The following CA10 variants were observed in gnomAD, a reference collection of about 807,000 sequenced individuals.
CA10 encodes the protein carbonic anhydrase 10 (inactive), also known as carbonic anhydrase-related protein 10.
CA10 carries 14 observed loss-of-function variants against 44.2 expected under a neutral mutation model. That is an observed-to-expected ratio of 0.32 (90% CI 0.21 to 0.50). The LOEUF (loss-of-function observed/expected upper bound fraction) is 0.50, where lower values mean the gene tolerates loss of function less well. Ranked by LOEUF, CA10 falls within the 20% of genes least tolerant of loss-of-function variation. CA10 has a pLI of 0.99. For synonymous variants in CA10, 159 were observed against 141.6 expected (o/e 1.12, Z -0.87); for missense variants, 350 against 409.7 (o/e 0.85, Z 1.26).
chr17:52,013,475 A>T (rs1985872376), intron 2 of CA10, among the ~76,000 whole-genome samples: 1 of 152,036 alleles, frequency 6.6e-6, no homozygotes, highest in African/African-American at 2.4e-5. Context: ...GTATTAAACA[A>T]CAGCTATGAT....
chr17:51,982,408 C>T (rs203059), intron 2 of CA10, among the ~76,000 whole-genome samples: 132,862 of 151,900 alleles, frequency 0.87, 58,134 homozygotes, highest in East Asian at 0.95. Context: ...TATTCTGTCA[C>T]TTATGATGGA....
intron 4 of CA10, among the ~76,000 whole-genome samples, chr17:51,673,656 C>G (rs759098480): frequency 1.3e-5 from 2 of 152,220 alleles, no homozygotes; most frequent in Non-Finnish European, 2.9e-5. Context: ...CTTATTATTG[C>G]ATCACTTCCT....
intron 3 of CA10, among the ~76,000 whole-genome samples, chr17:51,770,774 T>A (rs1011836523): frequency 6.6e-6 from 1 of 151,958 alleles, no homozygotes; most frequent in Non-Finnish European, 1.5e-5. Flanking sequence ...GCATCTCACA[T>A]GGCCAAGTGG....
At chr17:51,663,931 T>C (rs1914111884) in intron 4 of CA10, among the ~76,000 whole-genome samples, 1 of 152,242 alleles carries the variant, frequency 6.6e-6, no homozygotes, top group African/African-American at 2.4e-5. Context: ...TTTCTTTCTG[T>C]AGCTCGTATT....
intron 7 of CA10, among the ~76,000 whole-genome samples, 156 bp from the exon 8 acceptor site, chr17:51,633,806 GT>G (rs1912704593): frequency 6.6e-6 from 1 of 152,116 alleles, no homozygotes; most frequent in Admixed American, 6.5e-5. Flanking sequence ...CATGGGTTCA[GT>G]TGAGCTGAAG....
At chr17:51,974,812 GA>G (rs1045771976) in intron 2 of CA10, among the ~76,000 whole-genome samples, 4 of 151,952 alleles carry the variant, frequency 2.6e-5, no homozygotes, top group Non-Finnish European at 4.4e-5. Context: ...TGATAGGGCT[GA>G]AAAAAACTCT....
chr17:51,804,108 C>A (rs114719529), intron 3 of CA10, among the ~76,000 whole-genome samples: 2 of 152,128 alleles, frequency 1.3e-5, no homozygotes, highest in Admixed American at 6.5e-5. Flanking sequence ...TAGAATGGTG[C>A]CTGGCACATA....
chr17:51,863,918 G>A (rs1310358713), intron 3 of CA10, among the ~76,000 whole-genome samples: 2 of 152,132 alleles, frequency 1.3e-5, no homozygotes, highest in African/African-American at 4.8e-5. Flanking sequence ...TTTTATTGAG[G>A]CTTAATTGTG....
At chr17:51,860,451 A>T (rs550919543) in intron 3 of CA10, among the ~76,000 whole-genome samples, 5 of 152,282 alleles carry the variant, frequency 3.3e-5, no homozygotes, top group African/African-American at 1.2e-4. Flanking sequence ...CAAATATGTG[A>T]TGTTTCTGAA....
chr17:51,634,468 T>C (rs1283723828), intron 7 of CA10, among the ~76,000 whole-genome samples: 3 of 152,172 alleles, frequency 2.0e-5, no homozygotes, highest in African/African-American at 7.2e-5. Flanking sequence ...TGCTCATCTC[T>C]CCTTTAATTT....
chr17:51,802,147 T>A (rs1906955997), intron 3 of CA10, among the ~76,000 whole-genome samples: 2 of 152,210 alleles, frequency 1.3e-5, no homozygotes, highest in Admixed American at 1.3e-4. Flanking sequence ...TGATCATGCC[T>A]ATCTATGGAT....
chr17:51,733,837 G>T (rs1334620772), intron 4 of CA10, among the ~76,000 whole-genome samples: 1 of 152,116 alleles, frequency 6.6e-6, no homozygotes, highest in Non-Finnish European at 1.5e-5. Context: ...TGCTTCCTAG[G>T]GGTGTTCAAT....
At chr17:52,138,089 A>G (rs547661351) in intron 1 of CA10, among the ~76,000 whole-genome samples, 6 of 152,250 alleles carry the variant, frequency 3.9e-5, no homozygotes, top group African/African-American at 9.6e-5. Flanking sequence ...TCAAGGTGTC[A>G]GCAGGCATGT....
intron 6 of CA10, among the ~76,000 whole-genome samples, chr17:51,647,684 G>A (rs1404436932): frequency 6.6e-6 from 1 of 152,138 alleles, no homozygotes; most frequent in East Asian, 1.9e-4. Context: ...GCAAATCCAA[G>A]ATTATTTGAA....
intron 4 of CA10, among the ~76,000 whole-genome samples, chr17:51,699,058 C>T (rs919289202): frequency 5.9e-5 from 9 of 152,140 alleles, no homozygotes; most frequent in South Asian, 2.1e-4. Context: ...TGGTGACTCA[C>T]GCCTGTAATC....
At chr17:51,752,507 G>A (rs75623660) in intron 3 of CA10, among the ~76,000 whole-genome samples, 2,837 of 152,082 alleles carry the variant, frequency 0.019, 109 homozygotes, top group African/African-American at 0.066. Flanking sequence ...AGCGGGGGCT[G>A]GTGAAGGTTC....
At chr17:51,689,897 T>G (rs960970019) in intron 4 of CA10, among the ~76,000 whole-genome samples, 4 of 152,226 alleles carry the variant, frequency 2.6e-5, no homozygotes, top group African/African-American at 4.8e-5. Context: ...AATTAACATA[T>G]GCATTACTTT....
chr17:52,110,744 C>G (rs1388380398), intron 1 of CA10, among the ~76,000 whole-genome samples: 1 of 152,140 alleles, frequency 6.6e-6, no homozygotes, highest in Non-Finnish European at 1.5e-5. Flanking sequence ...CTATCCTCCC[C>G]CCATTCAAAC....
intron 3 of CA10, among the ~76,000 whole-genome samples, chr17:51,784,535 G>A (rs1406443606): frequency 6.6e-6 from 1 of 152,118 alleles, no homozygotes; most frequent in Non-Finnish European, 1.5e-5. Context: ...CCCAGCCTCT[G>A]GTAATTACCA....
Sources: allele counts gnomAD v4.1 joint callset (sites outside exome capture counted in the v4.1 genomes callset), GRCh38; gene constraint gnomAD v4.1.1; transcripts MANE v1.5; gene names NCBI Gene and HGNC (gene_info 2026-07-23, HGNC 2026-07-21).